The following CFAP299 variants were observed in gnomAD, a reference collection of about 807,000 sequenced individuals.
CFAP299 encodes the protein cilia- and flagella-associated protein 299.
In CFAP299, 21 loss-of-function variants were observed where a neutral mutation model predicts 27.0. The ratio of observed to expected loss-of-function variants is 0.78; its 90% CI spans 0.55 to 1.12. The LOEUF (loss-of-function observed/expected upper bound fraction) is 1.12. Among genes scored for constraint, CFAP299 ranks in the 50% most tolerant of loss-of-function variants. The pLI, the probability that CFAP299 is intolerant of heterozygous loss-of-function variation, is 0.00. For missense variants in CFAP299, 310 were observed against 276.6 expected, an observed-to-expected ratio of 1.12 and a Z score of -0.86; for synonymous variants, 104 against 98.1, an observed-to-expected ratio of 1.06 and a Z score of -0.36.
At chr4:80,535,346 T>TCACTCTC (rs1560612281) in intron 2 of CFAP299, among the ~76,000 whole-genome samples, 10 of 72,400 alleles carry the variant, frequency 1.4e-4, no homozygotes, top group African/African-American at 6.2e-4. Context: ...AGAGCTTCAA[T>TCACTCTC]TAGCCGGGCG....
chr4:80,344,670 C>T (rs1722636064), intron 1 of CFAP299, among the ~76,000 whole-genome samples: 1 of 152,154 alleles, frequency 6.6e-6, no homozygotes, highest in African/African-American at 2.4e-5. Context: ...GATACCATAA[C>T]TTGGCAGATA....
chr4:80,517,731 A>G (rs1430051858), intron 2 of CFAP299, among the ~76,000 whole-genome samples: 1 of 152,176 alleles, frequency 6.6e-6, no homozygotes, highest in East Asian at 1.9e-4. Flanking sequence ...ACTGATACAC[A>G]CTACTTATTT....
intron 2 of CFAP299, among the ~76,000 whole-genome samples, chr4:80,545,275 G>C (rs1025404885): frequency 7.2e-5 from 11 of 152,142 alleles, no homozygotes; most frequent in African/African-American, 2.6e-4. Flanking sequence ...ACAACCTAAA[G>C]TTGCACAGAG....
intron 2 of CFAP299, among the ~76,000 whole-genome samples, chr4:80,513,992 G>A (rs1732450520): frequency 6.6e-6 from 1 of 152,056 alleles, no homozygotes. Flanking sequence ...TGAACTTTTT[G>A]TCGTGGTAAA....
chr4:80,440,184 C>CACAATGCT (rs1338246980), intron 2 of CFAP299, among the ~76,000 whole-genome samples: 2 of 152,206 alleles, frequency 1.3e-5, no homozygotes, highest in Admixed American at 1.3e-4. Context: ...GATCTCTCAG[C>CACAATGCT]ACAATGCTTG....
intron 2 of CFAP299, among the ~76,000 whole-genome samples, chr4:80,543,423 T>C (rs1734094327): frequency 6.6e-6 from 1 of 152,100 alleles, no homozygotes; most frequent in Non-Finnish European, 1.5e-5. Flanking sequence ...CATTAAGATA[T>C]AAGAGGAGGT....
intron 2 of CFAP299, among the ~76,000 whole-genome samples, chr4:80,475,263 C>T (rs1235129484): frequency 6.6e-6 from 1 of 152,132 alleles, no homozygotes; most frequent in Non-Finnish European, 1.5e-5. Flanking sequence ...GAAAAGATCC[C>T]TCTGGTTGTA....
At chr4:80,340,313 C>T (rs1406144191) in intron 1 of CFAP299, among the ~76,000 whole-genome samples, 1 of 152,162 alleles carries the variant, frequency 6.6e-6, no homozygotes, top group Non-Finnish European at 1.5e-5. Context: ...TCAGGAGATC[C>T]CCTCAGGAGG....
At chr4:80,662,432 A>G (rs1242210088) in intron 3 of CFAP299, among the ~76,000 whole-genome samples, 1 of 150,234 alleles carries the variant, frequency 6.7e-6, no homozygotes, top group Non-Finnish European at 1.5e-5. Flanking sequence ...AAAAGTGTTG[A>G]TGGGTTAGGA....
At chr4:80,733,406 A>G (rs930221568) in intron 3 of CFAP299, among the ~76,000 whole-genome samples, 3 of 152,152 alleles carry the variant, frequency 2.0e-5, no homozygotes, top group Admixed American at 1.3e-4. Context: ...CATAATAATC[A>G]TATCATGGAA....
intron 2 of CFAP299, chr4:80,420,114 G>T: frequency 2.2e-6 from 1 of 445,448 alleles, no homozygotes; most frequent in Non-Finnish European, 4.5e-6. Context: ...GAGAAGAGCA[G>T]GCCTGTGTAG....
At chr4:80,353,915 T>C (rs1560526411) in intron 1 of CFAP299, among the ~76,000 whole-genome samples, 1 of 152,224 alleles carries the variant, frequency 6.6e-6, no homozygotes, top group Admixed American at 6.5e-5. Flanking sequence ...TAAGTAAAAG[T>C]ATTTCTCTTT....
At chr4:80,827,346 A>G (rs1296307888) in intron 3 of CFAP299, among the ~76,000 whole-genome samples, 1 of 151,872 alleles carries the variant, frequency 6.6e-6, no homozygotes, top group Non-Finnish European at 1.5e-5. Flanking sequence ...GCACATTACA[A>G]TGATTATACA....
intron 3 of CFAP299, among the ~76,000 whole-genome samples, chr4:80,725,537 G>T (rs1217579621): frequency 2.0e-5 from 3 of 152,114 alleles, no homozygotes; most frequent in Admixed American, 6.6e-5. Flanking sequence ...CACCATGGGG[G>T]TATTGTGTGG....
chr4:80,499,616 C>T (rs1731642724), intron 2 of CFAP299, among the ~76,000 whole-genome samples: 1 of 151,994 alleles, frequency 6.6e-6, no homozygotes, highest in Admixed American at 6.6e-5. Context: ...TTCCTACTCA[C>T]CTAAGTGGAA....
intron 2 of CFAP299, among the ~76,000 whole-genome samples, chr4:80,518,665 A>C (rs533468688): frequency 2.0e-5 from 3 of 152,320 alleles, no homozygotes; most frequent in African/African-American, 7.2e-5. Flanking sequence ...GGGAGAAAAA[A>C]TGACTGAACA....
intron 3 of CFAP299, among the ~76,000 whole-genome samples, chr4:80,815,559 T>G (rs1215195126): frequency 6.6e-6 from 1 of 151,980 alleles, no homozygotes; most frequent in Non-Finnish European, 1.5e-5. Flanking sequence ...AATGAGGTAT[T>G]AGTTTAAAAG....
At chr4:80,765,205 A>C (rs1389138291) in intron 3 of CFAP299, among the ~76,000 whole-genome samples, 1 of 152,172 alleles carries the variant, frequency 6.6e-6, no homozygotes, top group African/African-American at 2.4e-5. Flanking sequence ...TAAAAAGACT[A>C]TCTGAAAAAT....
chr4:80,386,093 G>T, intron 2 of CFAP299: 1 of 455,946 alleles, frequency 2.2e-6, no homozygotes, highest in Non-Finnish European at 3.9e-6. Flanking sequence ...CGCTTCCACT[G>T]GGAAGGATCT....
Sources: gnomAD v4.1 joint callset for allele counts (sites outside exome capture counted in the v4.1 genomes callset) on GRCh38, gnomAD v4.1.1 for gene constraint, MANE v1.5 for transcripts, NCBI Gene and HGNC (gene_info 2026-07-23, HGNC 2026-07-21) for gene names.